Variants in UBE2E2 observed in about 807,000 individuals in gnomAD.
The protein encoded by UBE2E2 is ubiquitin-conjugating enzyme E2 E2.
A neutral mutation model predicts 24.7 loss-of-function variants in UBE2E2; 6 were observed. The ratio of observed to expected loss-of-function variants is 0.24; its 90% CI spans 0.13 to 0.48. UBE2E2 has a LOEUF of 0.48. Ranked by LOEUF, UBE2E2 falls within the 20% of genes least tolerant of loss-of-function variation. The pLI is 0.99. For missense variants in UBE2E2, 169 were observed against 245.0 expected, an observed-to-expected ratio of 0.69 and a Z score of 2.07; for synonymous variants, 104 against 83.6, an observed-to-expected ratio of 1.24 and a Z score of -1.33.
At chr3:23,554,257 G>A (rs1424497276) in intron 5 of UBE2E2, among the ~76,000 whole-genome samples, 1 of 152,086 alleles carries the variant, frequency 6.6e-6, no homozygotes, top group Non-Finnish European at 1.5e-5. Context: ...AACATATATG[G>A]GCAACTAATT....
At chr3:23,354,451 C>T (rs995750489) in intron 3 of UBE2E2, among the ~76,000 whole-genome samples, 2 of 152,030 alleles carry the variant, frequency 1.3e-5, no homozygotes, top group Non-Finnish European at 2.9e-5. Context: ...AGGCAACCTG[C>T]AAAATGGGTG....
At chr3:23,484,457 T>C (rs1471609846) in intron 3 of UBE2E2, among the ~76,000 whole-genome samples, 1 of 152,154 alleles carries the variant, frequency 6.6e-6, no homozygotes, top group African/African-American at 2.4e-5. Context: ...ACTTTTTTTT[T>C]TACAGGGTTC....
chr3:23,207,658 G>A (rs1383237576), intron 1 of UBE2E2, among the ~76,000 whole-genome samples: 5 of 152,096 alleles, frequency 3.3e-5, no homozygotes, highest in Admixed American at 6.5e-5. Flanking sequence ...TGAAAGTGTC[G>A]TCCCATTTTT....
intron 1 of UBE2E2, among the ~76,000 whole-genome samples, chr3:23,206,852 C>T (rs940574917): frequency 2.6e-5 from 4 of 152,032 alleles, no homozygotes; most frequent in Admixed American, 2.0e-4. Context: ...AAAAATTTTG[C>T]TTTATTTGAG....
intron 3 of UBE2E2, among the ~76,000 whole-genome samples, chr3:23,251,163 A>T (rs761210113): frequency 6.6e-6 from 1 of 152,172 alleles, no homozygotes; most frequent in Non-Finnish European, 1.5e-5. Context: ...CTTTTAATTC[A>T]TCGTGTGTGT....
intron 2 of UBE2E2, among the ~76,000 whole-genome samples, chr3:23,215,357 C>T (rs553512023): frequency 2.0e-5 from 3 of 152,198 alleles, no homozygotes; most frequent in East Asian, 1.9e-4. Flanking sequence ...CAGCATATTA[C>T]GATTAGATTA....
intron 5 of UBE2E2, among the ~76,000 whole-genome samples, chr3:23,588,519 C>A (rs901398664): frequency 6.6e-6 from 1 of 150,966 alleles, no homozygotes; most frequent in Non-Finnish European, 1.5e-5. Flanking sequence ...TGGACTCAAG[C>A]GATCCTGCTG....
chr3:23,574,278 C>T (rs1340052393), intron 5 of UBE2E2, among the ~76,000 whole-genome samples: 1 of 152,086 alleles, frequency 6.6e-6, no homozygotes, highest in South Asian at 2.1e-4. Context: ...TGGATACAAA[C>T]AGTTAGAAAG....
chr3:23,353,918 T>C (rs190694528), intron 3 of UBE2E2, among the ~76,000 whole-genome samples: 2,212 of 152,208 alleles, frequency 0.015, 52 homozygotes, highest in African/African-American at 0.05. Flanking sequence ...AAAAAGAGCC[T>C]GCATCGCCAA....
intron 3 of UBE2E2, among the ~76,000 whole-genome samples, chr3:23,218,367 G>T (rs946558116): frequency 6.6e-6 from 1 of 151,652 alleles, no homozygotes; most frequent in African/African-American, 2.4e-5. Flanking sequence ...AGGTAAAACC[G>T]TTTAACCTAA....
intron 3 of UBE2E2, among the ~76,000 whole-genome samples, chr3:23,402,516 T>C (rs1249376665): frequency 6.6e-6 from 1 of 152,206 alleles, no homozygotes; most frequent in East Asian, 1.9e-4. Flanking sequence ...TTTAAGAACT[T>C]TAATTCAGCT....
chr3:23,223,299 T>G (rs921247139), intron 3 of UBE2E2, among the ~76,000 whole-genome samples: 1 of 151,880 alleles, frequency 6.6e-6, no homozygotes, highest in African/African-American at 2.4e-5. Context: ...TTCAAGTGAT[T>G]CTTCTGCCTC....
intron 3 of UBE2E2, among the ~76,000 whole-genome samples, chr3:23,351,394 T>G (rs912103476): frequency 2.0e-5 from 3 of 152,126 alleles, no homozygotes; most frequent in Admixed American, 2.0e-4. Context: ...CAATATTAAC[T>G]TTAAATGTAA....
At chr3:23,362,087 A>G (rs1455019082) in intron 3 of UBE2E2, among the ~76,000 whole-genome samples, 4 of 152,188 alleles carry the variant, frequency 2.6e-5, no homozygotes, top group African/African-American at 9.6e-5. Context: ...AACTAGTAGC[A>G]CCTAATGTGC....
intron 3 of UBE2E2, among the ~76,000 whole-genome samples, chr3:23,356,153 G>A (rs1456250982): frequency 6.6e-6 from 1 of 152,192 alleles, no homozygotes; most frequent in African/African-American, 2.4e-5. Context: ...CAGACAAGCA[G>A]TCTGGACCTT....
chr3:23,381,686 A>G (rs1039038954), intron 3 of UBE2E2, among the ~76,000 whole-genome samples: 3 of 152,254 alleles, frequency 2.0e-5, no homozygotes, highest in Non-Finnish European at 4.4e-5. Context: ...CATTTTATGA[A>G]TATCATTTAG....
At chr3:23,316,491 C>T (rs1290860261) in intron 3 of UBE2E2, among the ~76,000 whole-genome samples, 1 of 151,950 alleles carries the variant, frequency 6.6e-6, no homozygotes, top group African/African-American at 2.4e-5. Context: ...GCCACACTTG[C>T]AATTCCCCCC....
chr3:23,539,788 T>C (rs773018416), intron 5 of UBE2E2, among the ~76,000 whole-genome samples: 3 of 152,188 alleles, frequency 2.0e-5, no homozygotes, highest in African/African-American at 4.8e-5. Flanking sequence ...TTCAGTATAA[T>C]TGAGAAAAGA....
intron 3 of UBE2E2, among the ~76,000 whole-genome samples, chr3:23,277,979 T>C (rs1204618889): frequency 6.6e-6 from 1 of 152,152 alleles, no homozygotes; most frequent in Non-Finnish European, 1.5e-5. Context: ...TTTTAGTCAG[T>C]GTTCTAAAGC....
Sources: gnomAD v4.1 joint callset for allele counts (sites outside exome capture counted in the v4.1 genomes callset) on GRCh38, gnomAD v4.1.1 for gene constraint, MANE v1.5 for transcripts, NCBI Gene and HGNC (gene_info 2026-07-23, HGNC 2026-07-21) for gene names.